The following ABI1 variants were observed in gnomAD, a reference collection of about 807,000 sequenced individuals.
The protein encoded by ABI1 is abl interactor 1.
ABI1 carries 14 observed loss-of-function variants against 54.6 expected under a neutral mutation model. The ratio of observed to expected loss-of-function variants is 0.26; its 90% CI spans 0.17 to 0.40. The LOEUF (loss-of-function observed/expected upper bound fraction) is 0.40. ABI1 is among the 10% of genes least tolerant of loss of function. The pLI is 1.00. For synonymous variants in ABI1, 194 were observed against 209.3 expected (o/e 0.93, Z 0.63); for missense variants, 443 against 598.3 (o/e 0.74, Z 2.71).
At chr10:26,755,855 G>C in intron 8 of ABI1, 114 bp from the exon 9 acceptor site, 2 of 629,814 alleles carry the variant, frequency 3.2e-6, no homozygotes. Flanking sequence ...GCAAAGAACA[G>C]TTTGCAAATG....
At chr10:26,796,911 A>T (rs1307165388) in intron 2 of ABI1, among the ~76,000 whole-genome samples, 7 of 152,164 alleles carry the variant, frequency 4.6e-5, no homozygotes, top group Non-Finnish European at 5.9e-5. Flanking sequence ...TCCCTTGGAC[A>T]TAAGGTTCAC....
chr10:26,774,136 C>G (rs113096394), intron 3 of ABI1, among the ~76,000 whole-genome samples: 1 of 152,154 alleles, frequency 6.6e-6, no homozygotes, highest in Non-Finnish European at 1.5e-5. Flanking sequence ...CTCCAGTATA[C>G]TTTACATCAT....
rs546836243 is a variant in ABI1, at chr10:26,777,707, G to A, written c.286-466C>T. Among the ~76,000 whole-genome samples, 7 of 152,060 alleles carry A rather than the reference G, an allele frequency of 4.6e-5. No individual in the cohort carries two copies. In the South Asian group the frequency reaches 6.2e-4, roughly 14 times the overall value. The stretch of plus-strand genomic sequence containing the variant: ...GAGGATTGCTTCAACCGGGGAGGTC[G>A]AGGCTGCAGTGAGCTGTAATTATGC... On this transcript the variant is annotated intron_variant, in intron 2 of 10. Transcript: ENST00000376140.
intron 3 of ABI1, 79 bp from the exon 4 acceptor site, chr10:26,771,168 T>C (rs1412384834): frequency 6.2e-6 from 9 of 1,459,814 alleles, no homozygotes; most frequent in African/African-American, 1.4e-5. Context: ...CAGGTTTACA[T>C]TTACAGTTAC....
chr10:26,761,431 CATAATT>C (rs1839138439), intron 7 of ABI1, among the ~76,000 whole-genome samples: 1 of 150,424 alleles, frequency 6.6e-6, no homozygotes, highest in Non-Finnish European at 1.5e-5. Context: ...GACTTATATG[CATAATT>C]ATATGTTATA....
chr10:26,811,641 G>A (rs969323262), intron 2 of ABI1, among the ~76,000 whole-genome samples: 24 of 152,098 alleles, frequency 1.6e-4, no homozygotes, highest in African/African-American at 5.3e-4. Flanking sequence ...TTTTCCTTAT[G>A]ATGTTAAGAA....
intron 1 of ABI1, among the ~76,000 whole-genome samples, chr10:26,832,022 C>T (rs966573593): frequency 6.6e-6 from 1 of 152,176 alleles, no homozygotes; most frequent in Non-Finnish European, 1.5e-5. Flanking sequence ...CTATCCTATC[C>T]TCAAATGGTC....
chr10:26,762,520 A>G (rs1233722788), intron 7 of ABI1, among the ~76,000 whole-genome samples: 1 of 152,148 alleles, frequency 6.6e-6, no homozygotes, highest in African/African-American at 2.4e-5. Flanking sequence ...CTCTTAGACA[A>G]CCCCAAAAGC....
At chr10:26,786,471 C>T (rs750114059) in intron 2 of ABI1, among the ~76,000 whole-genome samples, 2 of 152,020 alleles carry the variant, frequency 1.3e-5, no homozygotes, top group Non-Finnish European at 2.9e-5. Context: ...TTGCCCGCCT[C>T]GGCCTCCTAA....
intron 1 of ABI1, among the ~76,000 whole-genome samples, chr10:26,849,788 G>T (rs952865441): frequency 2.6e-5 from 4 of 152,178 alleles, no homozygotes; most frequent in African/African-American, 4.8e-5. Context: ...TTCTTCTAGT[G>T]AGATCTGTGT....
In ABI1 at chr10:26,768,991, G is replaced by A. The variant is rs377028323; in HGVS notation, c.580C>T (p.Arg194Trp). Reference protein sequence around the residue: ...PPMSGRGTLGRNTPYKTLEPV... With the variant: ...PPMSGRGTLGWNTPYKTLEPV... ...TCCAGGGTTTTATAAGGAGTATTCC[G>A]TCTAAAGGAGCATAGTGGAGAAAGG... Residue 194 changes from arginine to tryptophan, a missense_variant and splice_region_variant, in exon 6 of 11, where the codon CGG becomes TGG. Transcript: ENST00000376140. The A allele has an allele frequency of 1.2e-5, 19 of 1,590,690 alleles. No homozygotes were observed. The highest frequency in any genetic ancestry group is 6.8e-5 in the East Asian group (3 of 43,898).
chr10:26,761,659 T>TATATATATATAC (rs1839224818), intron 7 of ABI1, among the ~76,000 whole-genome samples: 1 of 88,156 alleles, frequency 1.1e-5, no homozygotes, highest in Non-Finnish European at 2.2e-5. Flanking sequence ...TATATATATA[T>TATATATATATAC]ATACACACAC....
chr10:26,752,711 A>T (rs1373404055), intron 9 of ABI1, among the ~76,000 whole-genome samples: 1 of 152,174 alleles, frequency 6.6e-6, no homozygotes, highest in African/African-American at 2.4e-5. Flanking sequence ...TGCTTTACAC[A>T]GTCAAAGGTG....
rs1363609962 is a variant in ABI1 at position 26,761,646 on chromosome 10, A to G, written c.821-2408T>C. Among the ~76,000 whole-genome samples, 2 of 121,122 alleles carry G rather than the reference A, an allele frequency of 1.7e-5. 1 individual carries two copies. The allele number at this position is 121,122 out of a possible 152,430, so 79.5% of individuals were successfully genotyped here. ...TATATATATATATATATATATATAT[A>G]TATATATATATATATACACACACAC... On this transcript the variant is annotated intron_variant, in intron 7 of 10. Transcript: ENST00000376140.
chr10:26,859,062 C>T (rs1052108803), intron 1 of ABI1, among the ~76,000 whole-genome samples: 4 of 152,094 alleles, frequency 2.6e-5, no homozygotes, highest in Non-Finnish European at 5.9e-5. Context: ...ATAAAAGTTG[C>T]CTATTTTTAA....
intron 2 of ABI1, among the ~76,000 whole-genome samples, chr10:26,804,373 G>A (rs1166445420): frequency 5.3e-5 from 8 of 150,050 alleles, no homozygotes; most frequent in African/African-American, 1.5e-4. Flanking sequence ...ACAGAGCAAG[G>A]CTCTATTTAA....
At chr10:26,859,533 C>A (rs918995908) in intron 1 of ABI1, among the ~76,000 whole-genome samples, 1 of 152,172 alleles carries the variant, frequency 6.6e-6, no homozygotes, top group African/African-American at 2.4e-5. Context: ...TATATTTATA[C>A]AAAGGACTGT....
rs1462638955 is a variant in ABI1 at position 26,746,818 on chromosome 10, G to A, written c.*1752C>T. 2.8e-5 allele frequency: 11 copies of A among 389,160 alleles called. No individual in the cohort carries two copies. The highest frequency in any genetic ancestry group is 8.2e-5 in the Admixed American group (2 of 24,348). The allele number at this position is 389,160 out of a possible 1,614,324, so 24.1% of individuals were successfully genotyped here. ...TTCAAATGGTTTGTCTTGATTTACC[G>A]TAGGAGTAAAGGTCAGAAAAATGTG... On this transcript the variant is annotated 3_prime_UTR_variant, in exon 11 of 11. Transcript: ENST00000376140.
intron 2 of ABI1, among the ~76,000 whole-genome samples, chr10:26,781,060 C>T (rs1343397643): frequency 6.6e-6 from 1 of 152,164 alleles, no homozygotes; most frequent in African/African-American, 2.4e-5. Context: ...GGTTTGGGGC[C>T]CCACAATCCT....
Sources: gnomAD v4.1 joint callset for allele counts (sites outside exome capture counted in the v4.1 genomes callset) on GRCh38, gnomAD v4.1.1 for gene constraint, MANE v1.5 for transcripts, NCBI Gene and HGNC (gene_info 2026-07-23, HGNC 2026-07-21) for gene names.